Variants in MAML3 observed in about 807,000 individuals in gnomAD.
MAML3 encodes mastermind-like protein 3.
A neutral mutation model predicts 101.9 loss-of-function variants in MAML3; 27 were observed. The observed-to-expected ratio is 0.27, with a 90% CI of 0.20 to 0.37. The LOEUF (loss-of-function observed/expected upper bound fraction) is 0.37, where lower values mean the gene tolerates loss of function less well. Ranked by LOEUF, MAML3 falls within the 10% of genes least tolerant of loss-of-function variation. The probability of loss-of-function intolerance (pLI) is 1.00; values close to 1 mark genes in which losing one functional copy is unlikely to be tolerated. For synonymous variants in MAML3, 501 were observed against 555.9 expected (o/e 0.90, Z 1.39); for missense variants, 1,316 against 1,444.9 (o/e 0.91, Z 1.45).
At chr4:139,919,882 ATGACTCTTGCT>A (rs796488634) in intron 1 of MAML3, among the ~76,000 whole-genome samples, 23 of 152,294 alleles carry the variant, frequency 1.5e-4, no homozygotes, top group African/African-American at 5.3e-4. Context: ...CTTTGTTCTT[ATGACTCTTGCT>A]TGATTTATTA....
intron 1 of MAML3, among the ~76,000 whole-genome samples, chr4:140,036,622 T>C (rs540443178): frequency 3.0e-4 from 45 of 151,972 alleles, no homozygotes; most frequent in Middle Eastern, 3.4e-3. Context: ...CAGGAGAAGA[T>C]GAGAAGAACA....
At chr4:140,008,345 C>G (rs1726492208) in intron 1 of MAML3, among the ~76,000 whole-genome samples, 1 of 151,542 alleles carries the variant, frequency 6.6e-6, no homozygotes, top group African/African-American at 2.4e-5. Flanking sequence ...GAAACTCAGT[C>G]TCAATTAAAA....
rs58015886 is a variant in MAML3 at position 139,889,909 on chromosome 4, T to TTGCTGCTGCTGCTGCTGCTGCTGC, written c.1503_1526dup (p.Gln503_Gln510dup). On this transcript the variant is annotated inframe_insertion, in exon 2 of 5. Coordinates refer to ENST00000509479, the MANE Select transcript of MAML3 (RefSeq NM_018717.5). ...AATTTGAAGTCTGATTTGAGTGCTG[T>TTGCTGCTGCTGCTGCTGCTGCTGC]TGCTGCTGCTGCTGCTGCTGCTGCT... 9.1e-5 allele frequency: 135 copies of TTGCTGCTGCTGCTGCTGCTGCTGC among 1,476,644 alleles called. No individual in the cohort carries two copies. The East Asian group carries it at 3.2e-3, about 35-fold the overall frequency. 91.5% of individuals were successfully genotyped at this position (1,476,644 alleles called of 1,614,324 possible). A position where few individuals can be genotyped will look rare whatever the true frequency, so the allele number is the denominator to read the frequency against.
At chr4:140,041,470 A>G (rs1727085177) in intron 1 of MAML3, among the ~76,000 whole-genome samples, 2 of 152,126 alleles carry the variant, frequency 1.3e-5, no homozygotes, top group Non-Finnish European at 2.9e-5. Context: ...CTAAAAATAC[A>G]AAAATTAGCT....
intron 2 of MAML3, among the ~76,000 whole-genome samples, chr4:139,865,034 G>A (rs1448461779): frequency 7.3e-6 from 1 of 137,372 alleles, no homozygotes; most frequent in African/African-American, 2.7e-5. Context: ...TTTGTGAAAT[G>A]GAGACAAATT....
At chr4:140,070,874 A>G (rs1216251935) in intron 1 of MAML3, among the ~76,000 whole-genome samples, 1 of 152,208 alleles carries the variant, frequency 6.6e-6, no homozygotes, top group Non-Finnish European at 1.5e-5. Context: ...AGGAAGTAGA[A>G]AGGCCCCTTC....
At chr4:139,811,565 C>T (rs1730797347) in intron 2 of MAML3, among the ~76,000 whole-genome samples, 1 of 152,210 alleles carries the variant, frequency 6.6e-6, no homozygotes, top group African/African-American at 2.4e-5. Context: ...ACCCGTATTA[C>T]TATGGCAGCT....
rs368276039 is a variant in MAML3 at position 139,890,583 on chromosome 4, T to G, written c.853A>C (p.Ile285Leu). 6.2e-7 allele frequency: 1 copy of G among 1,614,052 alleles called. No individual in the cohort carries two copies. The highest frequency in any genetic ancestry group is 8.5e-7 in the Non-Finnish European group (1 of 1,179,896). Residue 285 changes from isoleucine to leucine, a missense_variant, in exon 2 of 5, where the codon ATA (isoleucine) becomes CTA (leucine). Ile to Leu is a conservative substitution (Grantham distance 5). Coordinates refer to ENST00000509479, the MANE Select transcript of MAML3 (RefSeq NM_018717.5). This position sits in a 1 kb window ranked among gnomAD's most constrained non-coding sequence, Gnocchi z 4.1. ...GAAAGAGATGTTTCTGATGTGTCTA[T>G]GCAAGTAGGGTCATCGAGAGGTTCT... ...KQEPLDDPTC[I>L]DTSETSLSNQ...
At position 139,772,069 on chromosome 4, in the gene MAML3, T is replaced by C. The variant is rs1464939490; in HGVS notation, c.2080-41402A>G. On this transcript the variant is annotated intron_variant, in intron 2 of 4. Transcript: ENST00000509479. ...CCTGGCTAACACGGTGAAACCCCCG[T>C]CTCTACTAAAAATACAAAAAATTAG... 3.6e-4 allele frequency among the ~76,000 whole-genome samples: 54 copies of C among 150,426 alleles called. 1 individual carries two copies. Among genetic ancestry groups the C allele is most frequent in the South Asian group, 2.1e-4 (1 of 4,732 alleles).
chr4:140,086,373 A>T (rs1727951736), intron 1 of MAML3, among the ~76,000 whole-genome samples: 1 of 152,004 alleles, frequency 6.6e-6, no homozygotes, highest in Non-Finnish European at 1.5e-5. Context: ...CATTTCTTTC[A>T]TTTTCTTTTG....
chr4:139,969,207 T>G (rs528303044), intron 1 of MAML3, among the ~76,000 whole-genome samples: 2 of 151,276 alleles, frequency 1.3e-5, no homozygotes, highest in East Asian at 3.9e-4. Flanking sequence ...TTGCAGACCC[T>G]CCACTGCATA....
rs1220879074 is a variant in MAML3, at chr4:139,730,931, A to T, written c.2080-264T>A. 7 of 525,914 alleles carry T rather than the reference A, an allele frequency of 1.3e-5. No individual in the cohort carries two copies. The Admixed American group carries it at 2.2e-4, about 17-fold the overall frequency. The allele number at this position is 525,914 out of a possible 1,614,324, so 32.6% of individuals were successfully genotyped here. A position where few individuals can be genotyped will look rare whatever the true frequency, so the allele number is the denominator to read the frequency against. The stretch of plus-strand genomic sequence containing the variant: ...GTCCAGTCTGTTTCGGATGGGACTG[A>T]CTATTGCATATAGACTGGATTTTCA... On this transcript the variant is annotated intron_variant, in intron 2 of 4. Coordinates refer to ENST00000509479, the MANE Select transcript of MAML3 (RefSeq NM_018717.5).
At chr4:140,056,918 G>A (rs1222337616) in intron 1 of MAML3, among the ~76,000 whole-genome samples, 1 of 152,034 alleles carries the variant, frequency 6.6e-6, no homozygotes, top group African/African-American at 2.4e-5. Flanking sequence ...GTGCAGGCAC[G>A]AAGCCAGGAA....
intron 1 of MAML3, among the ~76,000 whole-genome samples, chr4:139,999,861 C>A (rs1734888097): frequency 6.6e-6 from 1 of 152,166 alleles, no homozygotes; most frequent in Non-Finnish European, 1.5e-5. Flanking sequence ...TCTGGATATA[C>A]ATTAAGAACT....
At chr4:139,922,570 A>C (rs1180374003) in intron 1 of MAML3, among the ~76,000 whole-genome samples, 9 of 152,254 alleles carry the variant, frequency 5.9e-5, no homozygotes, top group Non-Finnish European at 1.5e-5. Flanking sequence ...TCACCCAAGA[A>C]GCAGAAGTTA....
chr4:139,988,618 T>C (rs563268949), intron 1 of MAML3, among the ~76,000 whole-genome samples: 3 of 152,232 alleles, frequency 2.0e-5, no homozygotes, highest in African/African-American at 4.8e-5. Flanking sequence ...TGTCCCATCG[T>C]AAACTTATAT....
At chr4:139,978,744 C>T (rs1274622799) in intron 1 of MAML3, among the ~76,000 whole-genome samples, 1 of 152,096 alleles carries the variant, frequency 6.6e-6, no homozygotes, top group Non-Finnish European at 1.5e-5. Flanking sequence ...CATCCCTAAT[C>T]TGTCTTGGTG....
chr4:140,052,535 CTTTT>C (rs397878543), intron 1 of MAML3, among the ~76,000 whole-genome samples: 6 of 136,178 alleles, frequency 4.4e-5, no homozygotes, highest in Non-Finnish European at 4.8e-5. Context: ...CCATATATTT[CTTTT>C]TTTTTTTTTT....
At chr4:140,099,440 C>G (rs1335530259) in intron 1 of MAML3, among the ~76,000 whole-genome samples, 1 of 152,072 alleles carries the variant, frequency 6.6e-6, no homozygotes, top group Non-Finnish European at 1.5e-5. Flanking sequence ...ACTCTGCCAC[C>G]CAGACTGGAA....
Sources: allele counts gnomAD v4.1 joint callset (sites outside exome capture counted in the v4.1 genomes callset), GRCh38; gene constraint gnomAD v4.1.1; non-coding constraint Gnocchi (gnomAD v3.1); transcripts MANE v1.5; gene names NCBI Gene and HGNC (gene_info 2026-07-23, HGNC 2026-07-21).